Variants in ASAP2 observed in about 807,000 individuals in gnomAD.
ASAP2 encodes the protein ArfGAP with SH3 domain, ankyrin repeat and PH domain 2.
ASAP2 carries 45 observed loss-of-function variants against 131.4 expected under a neutral mutation model. The observed-to-expected ratio is 0.34, with a 90% CI of 0.27 to 0.44. The LOEUF (loss-of-function observed/expected upper bound fraction) is 0.44, where lower values mean the gene tolerates loss of function less well. Ranked by LOEUF, ASAP2 falls within the 20% of genes least tolerant of loss-of-function variation. The pLI is 1.00. For synonymous variants in ASAP2, 510 were observed against 503.0 expected (o/e 1.01, Z -0.19); for missense variants, 1,011 against 1,297.0 (o/e 0.78, Z 3.39).
chr2:9,338,568 G>T (rs569734796), intron 9 of ASAP2, among the ~76,000 whole-genome samples: 1 of 152,308 alleles, frequency 6.6e-6, no homozygotes, highest in East Asian at 1.9e-4. Flanking sequence ...CTGCTAGGTA[G>T]CCTGGCTCTG....
chr2:9,350,700 C>G, intron 11 of ASAP2, 108 bp from the exon 12 acceptor site: 1 of 899,798 alleles, frequency 1.1e-6, no homozygotes, highest in Non-Finnish European at 1.6e-6. Context: ...CCTTTGCAAA[C>G]TAGTGAAGAG....
intron 3 of ASAP2, among the ~76,000 whole-genome samples, chr2:9,315,261 C>T (rs1669577195): frequency 1.3e-5 from 2 of 152,088 alleles, no homozygotes; most frequent in East Asian, 1.9e-4. Context: ...AGCCCTGAAG[C>T]GGGGAGTGGG....
intron 3 of ASAP2, among the ~76,000 whole-genome samples, chr2:9,317,804 ACACT>A (rs1399605935): frequency 3.7e-5 from 5 of 136,910 alleles, no homozygotes; most frequent in East Asian, 2.0e-4. Context: ...TCGCATTCAC[ACACT>A]CACACAATCA....
intron 1 of ASAP2, among the ~76,000 whole-genome samples, chr2:9,239,336 C>T (rs1300333740): frequency 2.6e-5 from 4 of 152,212 alleles, no homozygotes; most frequent in Admixed American, 2.6e-4. Context: ...ATAGTACATT[C>T]AGTTATTGAC....
chr2:9,276,094 G>T (rs1231711258), intron 1 of ASAP2, among the ~76,000 whole-genome samples: 2 of 152,214 alleles, frequency 1.3e-5, no homozygotes, highest in East Asian at 3.8e-4. Flanking sequence ...TTTGTGAGTT[G>T]TGAATTCCAA....
chr2:9,320,250 T>C (rs756381909), intron 4 of ASAP2, 38 bp from the exon 5 acceptor site: 1 of 1,529,554 alleles, frequency 6.5e-7, no homozygotes, highest in Non-Finnish European at 9.0e-7. Flanking sequence ...CAGAAGTGAA[T>C]GATTAGTCTT....
At position 9,344,793 on chromosome 2, in the gene ASAP2, A is replaced by G. The variant is rs772723813; in HGVS notation, c.1016A>G (p.His339Arg). The change falls in exon 11 of 28, where the codon CAT becomes CGT. Residue 339 changes from histidine (H) to arginine (R), a missense_variant. Transcript: ENST00000281419. ...SVKNGFLTIS[H>R]GTANRPPAKL... ...AAAAATGGTTTTCTGACCATATCCC[A>G]TGGTACCGTAAGTATTCTCTTTTAA... The G allele has an allele frequency of 1.1e-5, 18 of 1,612,990 alleles. No individual in the cohort carries two copies. Among genetic ancestry groups the G allele is most frequent in the Non-Finnish European group, 1.5e-5 (18 of 1,179,096 alleles).
intron 12 of ASAP2, among the ~76,000 whole-genome samples, chr2:9,351,233 A>G (rs933321618): frequency 2.0e-5 from 3 of 152,218 alleles, no homozygotes; most frequent in African/African-American, 2.4e-5. Context: ...AAAAAGAGAG[A>G]AGGAGGACAA....
intron 1 of ASAP2, among the ~76,000 whole-genome samples, chr2:9,210,652 T>C (rs1318349274): frequency 6.6e-6 from 1 of 151,906 alleles, no homozygotes; most frequent in Non-Finnish European, 1.5e-5. Context: ...CCTCCCAGGT[T>C]CATGCCATTC....
In ASAP2 at chr2:9,371,643, TGGG is replaced by T. The variant is rs1325081177; in HGVS notation, c.1557-3109_1557-3107del. Among the ~76,000 whole-genome samples the T allele has an allele frequency of 3.9e-5, 6 of 152,128 alleles. No homozygotes were observed. The South Asian group carries it at 6.2e-4, about 16-fold the overall frequency. ...CTTGGGGGTGTCAGGGACGTGTAACTGGGGGAGGTGGAGCAGGGAAGCTAGGCT... is the reference window on the plus strand; with the variant it reads ...CTTGGGGGTGTCAGGGACGTGTAACTGGAGGTGGAGCAGGGAAGCTAGGCT... On this transcript the variant is annotated intron_variant, in intron 16 of 27. Coordinates refer to ENST00000281419, the MANE Select transcript of ASAP2 (RefSeq NM_003887.3).
chr2:9,208,217 A>C (rs368636139), intron 1 of ASAP2, among the ~76,000 whole-genome samples: 21 of 152,262 alleles, frequency 1.4e-4, no homozygotes, highest in Non-Finnish European at 2.6e-4. Context: ...ATAGGTTTAC[A>C]AGTCACACGT....
intron 21 of ASAP2, among the ~76,000 whole-genome samples, chr2:9,387,351 A>G (rs182934643): frequency 9.8e-5 from 15 of 152,308 alleles, no homozygotes; most frequent in African/African-American, 3.6e-4. Context: ...CTCTGCCAGG[A>G]TGGCTCAAAA....
intron 6 of ASAP2, among the ~76,000 whole-genome samples, chr2:9,323,596 G>A (rs1293813347): frequency 6.6e-6 from 1 of 152,182 alleles, no homozygotes; most frequent in East Asian, 1.9e-4. Context: ...GTCAGTGACT[G>A]GCTTGTGGGA....
At chr2:9,358,684 G>T in intron 14 of ASAP2, 72 bp from the exon 15 acceptor site, 1 of 1,539,372 alleles carries the variant, frequency 6.5e-7, no homozygotes. Flanking sequence ...CAGTAACTAT[G>T]CAGGAAGAAA....
chr2:9,248,059 G>A (rs1029102105), intron 1 of ASAP2, among the ~76,000 whole-genome samples: 6 of 152,226 alleles, frequency 3.9e-5, no homozygotes, highest in Non-Finnish European at 8.8e-5. Context: ...CTGTCCTCGA[G>A]TCTGGGACAG....
At chr2:9,360,412 T>C (rs1448222295) in intron 15 of ASAP2, among the ~76,000 whole-genome samples, 1 of 152,158 alleles carries the variant, frequency 6.6e-6, no homozygotes, top group East Asian at 1.9e-4. Context: ...TTTAATCTGA[T>C]ACCAGACCTC....
chr2:9,400,143 C>T, intron 25 of ASAP2, 71 bp downstream of exon 25: 1 of 1,515,636 alleles, frequency 6.6e-7, no homozygotes, highest in Non-Finnish European at 9.1e-7. Context: ...ATGTTTCCTG[C>T]CAGGTGGTCA....
Position 9,268,386 on chromosome 2 carries a change from G to A in ASAP2, c.127-10931G>A, listed in dbSNP as rs1666086945. Among the ~76,000 whole-genome samples the A allele has an allele frequency of 6.6e-6, 1 of 152,058 alleles. No individual in the cohort carries two copies. The highest frequency in any genetic ancestry group is 1.5e-5 in the Non-Finnish European group (1 of 68,020). On this transcript the variant is annotated intron_variant, in intron 1 of 27. Coordinates refer to ENST00000281419, the MANE Select transcript of ASAP2 (RefSeq NM_003887.3). This position sits in a 1 kb window ranked among gnomAD's most constrained non-coding sequence, Gnocchi z 4.1. ...AACACGCCCTTCTCATCTGTCCTTA[G>A]GCACACACTTTCCTCAGCTGTGACT...
chr2:9,217,740 G>T lies in ASAP2; in HGVS notation c.126+10510G>T, dbSNP rs890334338. ...CGCCATTCTTCTGTCTCCGCCTCCC[G>T]AGTAGCTGGGACTACAGGCGCCTGC... On this transcript the variant is annotated intron_variant, in intron 1 of 27. Transcript: ENST00000281419. The surrounding 1 kb of genome is among the most constrained non-coding windows in gnomAD (Gnocchi z 4.0). Among the ~76,000 whole-genome samples, 2 of 151,448 alleles carry T rather than the reference G, an allele frequency of 1.3e-5. No homozygotes were observed. Among genetic ancestry groups the T allele is most frequent in the African/African-American group, 4.9e-5 (2 of 41,184 alleles).
Sources: gnomAD v4.1 joint callset for allele counts (sites outside exome capture counted in the v4.1 genomes callset) on GRCh38, gnomAD v4.1.1 for gene constraint, Gnocchi (gnomAD v3.1) non-coding constraint, MANE v1.5 for transcripts, NCBI Gene and HGNC (gene_info 2026-07-23, HGNC 2026-07-21) for gene names.